Variants in SPAG16 observed in about 807,000 individuals in gnomAD.
SPAG16 encodes sperm associated antigen 16, also known as sperm-associated antigen 16 protein.
In SPAG16, 86 loss-of-function variants were observed where a neutral mutation model predicts 80.4. That is an observed-to-expected ratio of 1.07 (90% CI 0.90 to 1.28). The LOEUF (loss-of-function observed/expected upper bound fraction) is 1.28. Among genes scored for constraint, SPAG16 ranks in the 50% most tolerant of loss-of-function variants. The pLI is 0.00. For missense variants in SPAG16, 870 were observed against 765.3 expected (o/e 1.14, Z -1.61); for synonymous variants, 294 against 265.9 (o/e 1.11, Z -1.03).
chr2:213,643,155 T>C (rs2062667260), intron 10 of SPAG16, among the ~76,000 whole-genome samples: 2 of 151,080 alleles, frequency 1.3e-5, no homozygotes, highest in Admixed American at 1.3e-4. Flanking sequence ...CCTCAGCTTT[T>C]TGTCTGGGGA....
rs113324964 is a variant in SPAG16, at chr2:213,773,154, G to A, written c.1071-89331G>A. Among the ~76,000 whole-genome samples the A allele has an allele frequency of 5.7e-3, 858 of 151,644 alleles. 8 individuals are homozygous for A. The highest frequency in any genetic ancestry group is 0.02 in the African/African-American group (832 of 41,324). On this transcript the variant is annotated intron_variant, in intron 10 of 15. Transcript: ENST00000331683. ...TTCTTTTTATCATTTTTTTAATTTA[G>A]TGTCTTATAATTTTGTTTTTAATGA...
chr2:213,616,741 A>C (rs2061609973), intron 10 of SPAG16, among the ~76,000 whole-genome samples: 1 of 152,118 alleles, frequency 6.6e-6, no homozygotes, highest in Non-Finnish European at 1.5e-5. Context: ...TTGTACATTA[A>C]ATATTAGGAC....
At chr2:213,893,000 C>G (rs1261766723) in intron 11 of SPAG16, among the ~76,000 whole-genome samples, 1 of 152,000 alleles carries the variant, frequency 6.6e-6, no homozygotes, top group Non-Finnish European at 1.5e-5. Flanking sequence ...CAAGACTACC[C>G]AAGACCTATG....
chr2:213,318,969 T>C (rs1250287125), intron 5 of SPAG16, among the ~76,000 whole-genome samples: 1 of 151,978 alleles, frequency 6.6e-6, no homozygotes, highest in Non-Finnish European at 1.5e-5. Flanking sequence ...TTTCTTTCTT[T>C]CTGCAATTAA....
rs547817557 is a variant in SPAG16, at chr2:213,920,127, A to G, written c.1215-9833A>G. On this transcript the variant is annotated intron_variant, in intron 11 of 15. Transcript: ENST00000331683. ...ACCCCTGCTTTTCTCTGTTTTCCAT[A>G]TGCTTGGTAGATTTTTCTCCATCCT... Among the ~76,000 whole-genome samples, 3 of 135,026 alleles carry G rather than the reference A, an allele frequency of 2.2e-5. No homozygotes were observed. In the Admixed American group the frequency reaches 2.5e-4, roughly 11 times the overall value. The allele number at this position is 135,026 out of a possible 152,430, so 88.6% of individuals were successfully genotyped here. A position where few individuals can be genotyped will look rare whatever the true frequency, so the allele number is the denominator to read the frequency against.
chr2:214,274,198 T>A (rs1057151916), intron 15 of SPAG16, among the ~76,000 whole-genome samples: 1 of 152,206 alleles, frequency 6.6e-6, no homozygotes, highest in Non-Finnish European at 1.5e-5. Flanking sequence ...GATTTTGCGC[T>A]GAGACAGTGA....
chr2:213,412,007 T>C (rs981660939), intron 9 of SPAG16, among the ~76,000 whole-genome samples: 1 of 152,214 alleles, frequency 6.6e-6, no homozygotes, highest in African/African-American at 2.4e-5. Context: ...GTATGTTCAA[T>C]TCTTTGCCTT....
At chr2:213,613,889 A>T (rs533297193) in intron 10 of SPAG16, among the ~76,000 whole-genome samples, 65 of 152,354 alleles carry the variant, frequency 4.3e-4, no homozygotes, top group Non-Finnish European at 8.8e-4. Context: ...GTGAATATAA[A>T]CTAAGAATGG....
At chr2:213,319,760 C>T (rs1365274661) in intron 5 of SPAG16, among the ~76,000 whole-genome samples, 4 of 151,902 alleles carry the variant, frequency 2.6e-5, no homozygotes, top group Non-Finnish European at 5.9e-5. Flanking sequence ...TAGTCATTGT[C>T]AAGTACTGGT....
At chr2:213,841,085 C>T (rs2074340837) in intron 10 of SPAG16, among the ~76,000 whole-genome samples, 1 of 152,070 alleles carries the variant, frequency 6.6e-6, no homozygotes, top group Admixed American at 6.5e-5. Flanking sequence ...GCAATACACA[C>T]AAAGGACATT....
In SPAG16 at chr2:214,149,087, A is replaced by ATATG. The variant is rs1378602528; in HGVS notation, c.1594-50_1594-49insGTAT. 306 of 537,484 alleles carry ATATG rather than the reference A, an allele frequency of 5.7e-4. 3 individuals are homozygous for ATATG. The highest frequency in any genetic ancestry group is 5.5e-3 in the African/African-American group (263 of 48,166). 33.3% of individuals were successfully genotyped at this position (537,484 alleles called of 1,614,324 possible). On this transcript the variant is annotated intron_variant, in intron 14 of 15. Transcript: ENST00000331683. ...TATGTGTGTGTGTGTGTATATATAT[A>ATATG]TATATATATACATACATACACATTT...
chr2:213,400,816 C>CT (rs1002738761), intron 9 of SPAG16, among the ~76,000 whole-genome samples: 7 of 151,164 alleles, frequency 4.6e-5, no homozygotes, highest in Non-Finnish European at 7.4e-5. Flanking sequence ...TTGTTTTTTT[C>CT]TTTTTTTTGA....
At chr2:214,193,786 A>T (rs556554577) in intron 15 of SPAG16, among the ~76,000 whole-genome samples, 86 of 152,106 alleles carry the variant, frequency 5.7e-4, no homozygotes, top group Non-Finnish European at 7.9e-4. Context: ...AACAAAGAAT[A>T]AAACCAAGTG....
chr2:213,637,409 G>C (rs1027364448), intron 10 of SPAG16, among the ~76,000 whole-genome samples: 2 of 152,040 alleles, frequency 1.3e-5, no homozygotes, highest in African/African-American at 2.4e-5. Flanking sequence ...TTCTTTCTTT[G>C]TTATGTCCTT....
intron 5 of SPAG16, among the ~76,000 whole-genome samples, chr2:213,332,913 T>C (rs2124883949): frequency 6.6e-6 from 1 of 152,232 alleles, no homozygotes; most frequent in South Asian, 2.1e-4. Context: ...CACCGTGTCA[T>C]ACTGAATAGG....
chr2:213,709,812 T>A (rs1465290486), intron 10 of SPAG16, among the ~76,000 whole-genome samples: 1 of 152,234 alleles, frequency 6.6e-6, no homozygotes, highest in Admixed American at 6.5e-5. Flanking sequence ...TTTGATTTCA[T>A]AATGTTTAAG....
chr2:213,407,691 GAA>G (rs1491211932), intron 9 of SPAG16, among the ~76,000 whole-genome samples: 2 of 142,980 alleles, frequency 1.4e-5, no homozygotes, highest in Non-Finnish European at 3.0e-5. Context: ...GAGAGAGACA[GAA>G]GAGAGAGAGA....
chr2:214,008,669 G>A lies in SPAG16; in HGVS notation c.1401-5282G>A, dbSNP rs376199756. Among the ~76,000 whole-genome samples, 45 of 151,908 alleles carry A rather than the reference G, an allele frequency of 3.0e-4. 1 individual carries two copies. The highest frequency in any genetic ancestry group is 2.9e-3 in the East Asian group (15 of 5,142). ...CTGAGGTAGGAGAATCGCTTGAACC[G>A]GGGAGACAGAGGTTGCAGTGAGCCA... On this transcript the variant is annotated intron_variant, in intron 12 of 15. Coordinates refer to ENST00000331683, the MANE Select transcript of SPAG16 (RefSeq NM_024532.5).
At chr2:213,699,449 C>T (rs1291768823) in intron 10 of SPAG16, among the ~76,000 whole-genome samples, 1 of 152,098 alleles carries the variant, frequency 6.6e-6, no homozygotes. Context: ...TAACTAAAGA[C>T]AGCCCTAGAA....
Sources: gnomAD v4.1 joint callset for allele counts (sites outside exome capture counted in the v4.1 genomes callset) on GRCh38, gnomAD v4.1.1 for gene constraint, MANE v1.5 for transcripts, NCBI Gene and HGNC (gene_info 2026-07-23, HGNC 2026-07-21) for gene names.